PCDHA6: variants seen among roughly 807,000 people sequenced by gnomAD.
The protein encoded by PCDHA6 is protocadherin alpha 6, also known as protocadherin alpha-6.
Under a neutral mutation model 60.3 loss-of-function variants are expected in PCDHA6, and 55 were observed. The ratio of observed to expected loss-of-function variants is 0.91; its 90% CI spans 0.73 to 1.14. The LOEUF (loss-of-function observed/expected upper bound fraction) is 1.14. Among genes scored for constraint, PCDHA6 ranks in the 50% most tolerant of loss-of-function variants. The pLI, the probability that PCDHA6 is intolerant of heterozygous loss-of-function variation, is 0.00. For missense variants in PCDHA6, 1,327 were observed against 1,256.5 expected (o/e 1.06, Z -0.85); for synonymous variants, 652 against 557.9 (o/e 1.17, Z -2.38).
chr5:140,943,558 A>T (rs1328715238), intron 1 of PCDHA6, among the ~76,000 whole-genome samples: 1 of 152,194 alleles, frequency 6.6e-6, no homozygotes, highest in Non-Finnish European at 1.5e-5. Flanking sequence ...GTAGACAATA[A>T]TCATTTTAAT....
intron 1 of PCDHA6, chr5:140,969,419 T>C: frequency 6.4e-7 from 1 of 1,563,564 alleles, no homozygotes; most frequent in Non-Finnish European, 8.7e-7. Flanking sequence ...ATTGAGTCAT[T>C]AACAGTGACA....
chr5:140,927,886 G>C, intron 1 of PCDHA6: 1 of 1,614,210 alleles, frequency 6.2e-7, no homozygotes, highest in Non-Finnish European at 8.5e-7. Flanking sequence ...GGAGGTGACT[G>C]ACGTGAACGA....
At chr5:140,903,269 G>A (rs1251669520) in intron 1 of PCDHA6, among the ~76,000 whole-genome samples, 4 of 152,140 alleles carry the variant, frequency 2.6e-5, no homozygotes, top group African/African-American at 4.8e-5. Context: ...CAGGAGTGAG[G>A]TAGTGTCTCA....
At chr5:140,877,559 T>C in intron 1 of PCDHA6, 1 of 1,613,754 alleles carries the variant, frequency 6.2e-7, no homozygotes, top group South Asian at 1.1e-5. Context: ...CTGGTGGATA[T>C]TAACGTGTAC....
chr5:140,950,015 T>C (rs2094440217), intron 1 of PCDHA6, among the ~76,000 whole-genome samples: 1 of 151,906 alleles, frequency 6.6e-6, no homozygotes, highest in Admixed American at 6.6e-5. Context: ...TGTACAACCT[T>C]CATAAAATAT....
rs1554138958 is a variant in PCDHA6, at chr5:140,842,308, C to T, written c.2394+11823C>T. On this transcript the variant is annotated intron_variant, in intron 1 of 3. Coordinates refer to ENST00000529310, the MANE Select transcript of PCDHA6 (RefSeq NM_018909.4). ...ACGCCACGGACAAAGGCCATCCTCC[C>T]ATGGCGGGTCATTGCACCGTTTTAG... The T allele has an allele frequency of 3.1e-6, 5 of 1,607,710 alleles. No individual in the cohort carries two copies. The African/African-American group carries it at 5.4e-5, about 17-fold the overall frequency.
At chr5:140,857,581 G>C (rs781800563) in intron 1 of PCDHA6, 4 of 1,596,740 alleles carry the variant, frequency 2.5e-6, no homozygotes, top group African/African-American at 1.3e-5. Flanking sequence ...CGGTGCACGC[G>C]GAGAGCGGCA....
chr5:140,943,823 G>A (rs1431339857), intron 1 of PCDHA6, among the ~76,000 whole-genome samples: 3 of 152,206 alleles, frequency 2.0e-5, no homozygotes, highest in African/African-American at 7.2e-5. Flanking sequence ...AAGAAAATGA[G>A]TTGATTGAAG....
intron 1 of PCDHA6, chr5:140,858,165 C>T: frequency 6.3e-7 from 1 of 1,597,786 alleles, no homozygotes; most frequent in Non-Finnish European, 8.6e-7. Context: ...TGCGCGGTGT[C>T]CAGCTTGCTG....
At chr5:140,937,070 C>G (rs1363778213) in intron 1 of PCDHA6, among the ~76,000 whole-genome samples, 2 of 147,796 alleles carry the variant, frequency 1.4e-5, no homozygotes, top group Admixed American at 1.4e-4. Context: ...CGGAGTCTCG[C>G]TCTGTCGCCC....
intron 1 of PCDHA6, among the ~76,000 whole-genome samples, chr5:140,899,167 T>C (rs1314014582): frequency 3.3e-5 from 5 of 152,124 alleles, no homozygotes; most frequent in Admixed American, 6.5e-5. Context: ...CTTTTCCTAA[T>C]TGAATACCCT....
intron 1 of PCDHA6, among the ~76,000 whole-genome samples, chr5:140,896,089 G>A (rs13174119): frequency 0.32 from 48,051 of 152,038 alleles, 7,939 homozygotes; most frequent in East Asian, 0.53. Flanking sequence ...GGGATTACAG[G>A]CGTGAGCCAC....
chr5:140,836,793 T>C, intron 1 of PCDHA6: 8 of 1,403,902 alleles, frequency 5.7e-6, no homozygotes, highest in Non-Finnish European at 7.8e-6. Flanking sequence ...GTTCAATTGG[T>C]CTCCTTAAAT....
intron 1 of PCDHA6, chr5:140,927,559 G>C: frequency 6.2e-7 from 1 of 1,614,170 alleles, no homozygotes; most frequent in Non-Finnish European, 8.5e-7. Flanking sequence ...CACCATCATT[G>C]TGGTGGACAC....
At chr5:141,009,036 T>C (rs782309668) in intron 3 of PCDHA6, among the ~76,000 whole-genome samples, 7 of 152,242 alleles carry the variant, frequency 4.6e-5, no homozygotes, top group Non-Finnish European at 1.0e-4. Context: ...TCCCATCCCG[T>C]TCCCAGTCAA....
Position 140,830,117 on chromosome 5 carries a change from C to G in PCDHA6, c.2026C>G (p.Pro676Ala). The change falls in exon 1 of 4, where the codon CCA becomes GCA. Residue 676 changes from proline to alanine, a missense_variant. Physicochemically the swap from Pro to Ala is conservative, Grantham distance 27. Transcript: ENST00000529310. ...GTCGCTGGTGGAGAGTGGCCAGGCT[C>G]CAAAGGCGTCATCACGGGCGTCGGT... ...LVSLVESGQA[P>A]KASSRASVGA... The G allele has an allele frequency of 6.2e-7, 1 of 1,613,510 alleles. No homozygotes were observed. Among genetic ancestry groups the G allele is most frequent in the Non-Finnish European group, 8.5e-7 (1 of 1,179,866 alleles).
intron 1 of PCDHA6, chr5:140,841,384 C>T (rs1222164678): frequency 1.2e-6 from 2 of 1,613,362 alleles, no homozygotes; most frequent in Non-Finnish European, 1.7e-6. Context: ...TTCTGCTCCT[C>T]GCAGCCTGGA....
At chr5:140,931,675 A>G (rs2087672558) in intron 1 of PCDHA6, among the ~76,000 whole-genome samples, 1 of 151,968 alleles carries the variant, frequency 6.6e-6, no homozygotes, top group Admixed American at 6.5e-5. Context: ...TTCCTTATAA[A>G]TAAATGAATT....
At chr5:140,968,036 A>G (rs1554230231) in intron 1 of PCDHA6, 1 of 1,614,042 alleles carries the variant, frequency 6.2e-7, no homozygotes, top group African/African-American at 1.3e-5. Context: ...ACTGGTGGTG[A>G]GCGGCCCACT....
Sources: gnomAD v4.1 joint callset for allele counts (sites outside exome capture counted in the v4.1 genomes callset) on GRCh38, gnomAD v4.1.1 for gene constraint, MANE v1.5 for transcripts, NCBI Gene and HGNC (gene_info 2026-07-23, HGNC 2026-07-21) for gene names.